The following FBN2 variants were observed in gnomAD, a reference collection of about 807,000 sequenced individuals.
The protein encoded by FBN2 is fibrillin-2.
Under a neutral mutation model 355.6 loss-of-function variants are expected in FBN2, and 105 were observed. The ratio of observed to expected loss-of-function variants is 0.30; its 90% CI spans 0.25 to 0.35. The LOEUF is 0.35. Among genes scored for constraint, FBN2 ranks in the 10% least tolerant of loss-of-function variants. The pLI is 1.00. For synonymous variants in FBN2, 1,350 were observed against 1,301.2 expected (o/e 1.04, Z -0.81); for missense variants, 3,280 against 3,758.7 (o/e 0.87, Z 3.33).
Position 128,481,792 on chromosome 5 carries a change from T to C in FBN2, c.629-16871A>G, listed in dbSNP as rs73784601. Among the ~76,000 whole-genome samples the C allele has an allele frequency of 4.9e-3, 741 of 152,298 alleles. 8 individuals carry two copies. The highest frequency in any genetic ancestry group is 0.016 in the African/African-American group (651 of 41,544). ...TTTTAGTGGAAAAAAAACACTTTACTTGAGTTTCTATAAATCTCACACATT... is the reference window on the plus strand; with the variant it reads ...TTTTAGTGGAAAAAAAACACTTTACCTGAGTTTCTATAAATCTCACACATT... On this transcript the variant is annotated intron_variant, in intron 5 of 64. Transcript: ENST00000262464.
intron 5 of FBN2, among the ~76,000 whole-genome samples, chr5:128,477,937 C>T (rs911472006): frequency 1.3e-5 from 2 of 152,174 alleles, no homozygotes; most frequent in Non-Finnish European, 2.9e-5. Flanking sequence ...GATAAATTAG[C>T]CTGGTTTATT....
intron 5 of FBN2, 122 bp from the exon 6 acceptor site, chr5:128,465,043 C>T: frequency 9.4e-6 from 9 of 954,258 alleles, no homozygotes; most frequent in Non-Finnish European, 1.5e-5. Context: ...AGACAGAAGG[C>T]TAGAGAGTTT....
chr5:128,370,146 C>T (rs902806197), intron 15 of FBN2, among the ~76,000 whole-genome samples: 2 of 152,112 alleles, frequency 1.3e-5, no homozygotes, highest in African/African-American at 4.8e-5. Context: ...GCATATTCTG[C>T]TTAGTTCTCT....
chr5:128,344,676 A>T (rs898037287), intron 24 of FBN2, among the ~76,000 whole-genome samples, 166 bp from the exon 25 acceptor site: 3 of 152,102 alleles, frequency 2.0e-5, no homozygotes, highest in African/African-American at 7.2e-5. Context: ...GGAAGTTTCA[A>T]TATGGTGAAA....
intron 36 of FBN2, among the ~76,000 whole-genome samples, chr5:128,316,674 C>T (rs1750210860): frequency 6.6e-6 from 1 of 152,178 alleles, no homozygotes; most frequent in Non-Finnish European, 1.5e-5. Context: ...TCACATTATC[C>T]AGGTTTCCTA....
chr5:128,372,632 T>TA (rs1561423845), intron 15 of FBN2, among the ~76,000 whole-genome samples: 1 of 152,070 alleles, frequency 6.6e-6, no homozygotes. Context: ...GCTGGAATTA[T>TA]AGGCACATGC....
intron 5 of FBN2, among the ~76,000 whole-genome samples, chr5:128,517,351 T>G (rs1756306926): frequency 1.3e-5 from 2 of 152,330 alleles, no homozygotes; most frequent in South Asian, 4.1e-4. Context: ...GTTTGAAATT[T>G]TAAATTTATT....
At chr5:128,446,294 CTT>C (rs1754061462) in intron 7 of FBN2, 185 bp downstream of exon 7, 5 of 555,152 alleles carry the variant, frequency 9.0e-6, no homozygotes, top group African/African-American at 1.9e-5. Flanking sequence ...CTCATTGACT[CTT>C]TTCAAATCAA....
At chr5:128,326,580 T>C (rs930276378) in intron 34 of FBN2, among the ~76,000 whole-genome samples, 32 of 152,332 alleles carry the variant, frequency 2.1e-4, no homozygotes, top group African/African-American at 7.7e-4. Context: ...CGGAGGATCA[T>C]GTATTTATAA....
chr5:128,345,688 C>A lies in FBN2; in HGVS notation c.2990-104G>T, dbSNP rs112548259. The A allele has an allele frequency of 3.9e-5, 40 of 1,036,236 alleles. No homozygotes were observed. The African/African-American group carries it at 5.7e-4, about 15-fold the overall frequency. The allele number at this position is 1,036,236 out of a possible 1,614,324, so 64.2% of individuals were successfully genotyped here. A position where few individuals can be genotyped will look rare whatever the true frequency, so the allele number is the denominator to read the frequency against. ...CACCAGGCATCATGCAGGACCCTTG[C>A]GGTGTACTGGTGGGCAAGATGCAGT... On this transcript the variant is annotated intron_variant, in intron 23 of 64. Coordinates refer to ENST00000262464, the MANE Select transcript of FBN2 (RefSeq NM_001999.4).
At chr5:128,385,832 T>C (rs1752352725) in intron 11 of FBN2, among the ~76,000 whole-genome samples, 1 of 152,220 alleles carries the variant, frequency 6.6e-6, no homozygotes, top group South Asian at 2.1e-4. Flanking sequence ...TCTGCATGTA[T>C]GTCTTCTTTA....
chr5:128,445,098 G>A (rs1240335650), intron 7 of FBN2, among the ~76,000 whole-genome samples: 1 of 152,132 alleles, frequency 6.6e-6, no homozygotes, highest in Non-Finnish European at 1.5e-5. Context: ...ATTTTTTCAT[G>A]TCTTCCAAGT....
At chr5:128,263,286 C>T (rs1765022622) in intron 63 of FBN2, 139 bp downstream of exon 63, 1 of 715,054 alleles carries the variant, frequency 1.4e-6, no homozygotes, top group Non-Finnish European at 2.5e-6. Flanking sequence ...TGGTATTTAT[C>T]TGCATACCCG....
intron 7 of FBN2, among the ~76,000 whole-genome samples, chr5:128,410,711 C>A (rs1263938244): frequency 6.6e-6 from 1 of 152,034 alleles, no homozygotes; most frequent in Non-Finnish European, 1.5e-5. Context: ...TAAAATAAAT[C>A]TGGGACATAG....
chr5:128,499,501 C>A (rs1411278924), intron 5 of FBN2, among the ~76,000 whole-genome samples: 1 of 152,002 alleles, frequency 6.6e-6, no homozygotes, highest in South Asian at 2.1e-4. Flanking sequence ...GGGGATGAAG[C>A]CTGAGTGCCG....
intron 6 of FBN2, 129 bp from the exon 7 acceptor site, chr5:128,446,735 G>C: frequency 2.2e-6 from 2 of 910,390 alleles, no homozygotes; most frequent in Admixed American, 2.1e-5. Context: ...AGTGGGGTTA[G>C]AGAAGTAAAA....
intron 5 of FBN2, among the ~76,000 whole-genome samples, chr5:128,506,096 T>C (rs777299108): frequency 1.3e-5 from 2 of 152,204 alleles, no homozygotes. Context: ...AAGCAATGCA[T>C]ACAGTAGAAT....
intron 48 of FBN2, among the ~76,000 whole-genome samples, chr5:128,297,205 G>A (rs1399891387): frequency 6.6e-6 from 1 of 152,138 alleles, no homozygotes; most frequent in African/African-American, 2.4e-5. Flanking sequence ...CTGAGAGATA[G>A]TTTGTTATAA....
At chr5:128,380,644 A>C (rs144139859) in intron 11 of FBN2, among the ~76,000 whole-genome samples, 6 of 152,242 alleles carry the variant, frequency 3.9e-5, no homozygotes, top group African/African-American at 1.4e-4. Context: ...TCACCAAAAA[A>C]GCAATTAGTG....
Sources: gnomAD v4.1 joint callset for allele counts (sites outside exome capture counted in the v4.1 genomes callset) on GRCh38, gnomAD v4.1.1 for gene constraint, MANE v1.5 for transcripts, NCBI Gene and HGNC (gene_info 2026-07-23, HGNC 2026-07-21) for gene names.